The following VIRMA variants were observed in gnomAD, a reference collection of about 807,000 sequenced individuals.
VIRMA encodes the protein protein virilizer homolog.
A neutral mutation model predicts 182.4 loss-of-function variants in VIRMA; 65 were observed. The ratio of observed to expected loss-of-function variants is 0.36; its 90% CI spans 0.29 to 0.44. The LOEUF (loss-of-function observed/expected upper bound fraction) is 0.44, where lower values mean the gene tolerates loss of function less well. Among genes scored for constraint, VIRMA ranks in the 20% least tolerant of loss-of-function variants. VIRMA has a pLI of 1.00. For missense variants in VIRMA, 1,752 were observed against 2,158.1 expected (o/e 0.81, Z 3.73); for synonymous variants, 709 against 743.1 (o/e 0.95, Z 0.75).
chr8:94,553,385 C>G lies in VIRMA; in HGVS notation c.63G>C (p.Glu21Asp). The change falls in exon 1 of 24, where the codon GAG becomes GAC. Residue 21 changes from glutamate (E) to aspartate (D), a missense_variant and splice_region_variant. Glu to Asp is a conservative substitution (Grantham distance 45). Transcript: ENST00000297591. ...FLDTFKHPSAEQSSHIDVVRF... is the reference protein window; with the variant it reads ...FLDTFKHPSADQSSHIDVVRF... ...TCAGAATCAAGTCGCCAAGCCTTAC[C>G]TCAGCGCTCGGGTGTTTAAAAGTAT... is the stretch of plus-strand genomic sequence containing the variant. 1 of 1,614,160 alleles carries G rather than the reference C, an allele frequency of 6.2e-7. No individual in the cohort carries two copies. The highest frequency in any genetic ancestry group is 2.2e-5 in the East Asian group (1 of 44,878).
At position 94,543,838 on chromosome 8, in the gene VIRMA, A is replaced by G. The variant is rs767920731; in HGVS notation, c.168T>C (p.Asn56=). 6.3e-7 allele frequency: 1 copy of G among 1,582,416 alleles called. No homozygotes were observed. Among genetic ancestry groups the G allele is most frequent in the Non-Finnish European group, 8.7e-7 (1 of 1,155,142 alleles). The change falls in exon 2 of 24, where the codon AAT becomes AAC. Residue 56 remains asparagine (N), a synonymous_variant. Transcript: ENST00000297591. ...GAGAGTTGACTTACCCATATGCTCTATTGTCTGGCAGACTGCTATGGGCTC... is the reference window on the plus strand; with the variant it reads ...GAGAGTTGACTTACCCATATGCTCTGTTGTCTGGCAGACTGCTATGGGCTC... ...GVRAHSSLPD[N]RAYGETSPHT...
At chr8:94,530,495 TCAAAAAAAAAAAAAA>T (rs1464897225) in intron 6 of VIRMA, among the ~76,000 whole-genome samples, 2 of 88,900 alleles carry the variant, frequency 2.2e-5, no homozygotes, top group African/African-American at 1.0e-4. Context: ...AAAACCTGTC[TCAAAAAAAAAAAAAA>T]GAAAAAAGAA....
Position 94,546,287 on chromosome 8 carries a change from T to C in VIRMA, c.64-2345A>G, listed in dbSNP as rs968124651. 6.0e-5 allele frequency among the ~76,000 whole-genome samples: 9 copies of C among 150,948 alleles called. 1 individual carries two copies. Among genetic ancestry groups the C allele is most frequent in the African/African-American group, 2.2e-4 (9 of 40,300 alleles). ...CCAACTGCCCACTCAGCCTCTCCATTTCAATGTCCCTTGTGCACCAAACTC... is the reference window on the plus strand; with the variant it reads ...CCAACTGCCCACTCAGCCTCTCCATCTCAATGTCCCTTGTGCACCAAACTC... On this transcript the variant is annotated intron_variant, in intron 1 of 23. Coordinates refer to ENST00000297591, the MANE Select transcript of VIRMA (RefSeq NM_015496.5).
chr8:94,537,341 T>C, intron 3 of VIRMA, among the ~76,000 whole-genome samples, 190 bp from the exon 4 acceptor site: 1 of 152,218 alleles, frequency 6.6e-6, no homozygotes, highest in East Asian at 1.9e-4. Flanking sequence ...TCCCAGATTC[T>C]GGATTAATTG....
Position 94,511,555 on chromosome 8 carries a change from C to A in VIRMA, c.3020G>T (p.Arg1007Leu), listed in dbSNP as rs764819022. 2 of 1,614,038 alleles carry A rather than the reference C, an allele frequency of 1.2e-6. No individual in the cohort carries two copies. The highest frequency in any genetic ancestry group is 8.5e-7 in the Non-Finnish European group (1 of 1,179,990). The change falls in exon 13 of 24, where the codon CGC (arginine) becomes CTC (leucine). Residue 1007 changes from arginine (R) to leucine (L), a missense_variant. This residue lies in a region of VIRMA where 777 missense variants were observed against 920.6 expected (regional missense o/e 0.84). Coordinates refer to ENST00000297591, the MANE Select transcript of VIRMA (RefSeq NM_015496.5). The stretch of plus-strand genomic sequence containing the variant: ...AGTTTTAAGAAGAGTGAGTGTGCAG[C>A]GAGCCATTGAAATAGTAGTAACTCT... ...LHRVTTISMARCTLTLLKTML... is the reference protein window; with the variant it reads ...LHRVTTISMALCTLTLLKTML...
chr8:94,522,876 C>A (rs188841520), intron 8 of VIRMA, among the ~76,000 whole-genome samples: 35 of 152,264 alleles, frequency 2.3e-4, no homozygotes, highest in African/African-American at 8.4e-4. Flanking sequence ...ATCTGCTACT[C>A]CAAAATATTC....
At chr8:94,499,561 A>C in intron 16 of VIRMA, 55 bp from the exon 17 acceptor site, 1 of 1,215,502 alleles carries the variant, frequency 8.2e-7, no homozygotes, top group Non-Finnish European at 1.2e-6. Context: ...AGCATATAAA[A>C]CTGGTATGAT....
chr8:94,551,038 G>C lies in VIRMA; in HGVS notation c.63+2347C>G, dbSNP rs117072461. On this transcript the variant is annotated intron_variant, in intron 1 of 23. Transcript: ENST00000297591. Reference sequence around the variant, plus strand: ...CCTGGCCTAAAGTCTGTAATTCTTTGTCGAGCATTCAAGGAGCTCCATGAT... The same window carrying C: ...CCTGGCCTAAAGTCTGTAATTCTTTCTCGAGCATTCAAGGAGCTCCATGAT... Among the ~76,000 whole-genome samples, 55 of 152,268 alleles carry C rather than the reference G, an allele frequency of 3.6e-4. 1 individual carries two copies. In the East Asian group the frequency reaches 0.01, roughly 28 times the overall value.
intron 16 of VIRMA, among the ~76,000 whole-genome samples, chr8:94,502,850 T>C (rs191888849): frequency 1.4e-4 from 22 of 152,146 alleles, no homozygotes; most frequent in Admixed American, 9.2e-4. Context: ...AGTAAAATTT[T>C]ACAAATATAT....
intron 1 of VIRMA, among the ~76,000 whole-genome samples, chr8:94,548,913 T>TC (rs1194862026): frequency 4.6e-5 from 7 of 152,144 alleles, no homozygotes; most frequent in African/African-American, 1.4e-4. Flanking sequence ...TGCCTCAGCC[T>TC]CCCAAAGTGC....
chr8:94,540,461 CTTTTTTTTTT>C (rs963429701), intron 2 of VIRMA, among the ~76,000 whole-genome samples: 59 of 128,634 alleles, frequency 4.6e-4, no homozygotes, highest in African/African-American at 1.6e-3. Flanking sequence ...TTCTTCTTTT[CTTTTTTTTTT>C]TTTTTTTTTT....
intron 16 of VIRMA, among the ~76,000 whole-genome samples, chr8:94,505,746 T>C (rs954471063): frequency 1.3e-5 from 2 of 151,974 alleles, no homozygotes; most frequent in African/African-American, 4.8e-5. Context: ...CCCACCTCAG[T>C]CTCTTGAAGT....
chr8:94,540,481 T>TG (rs1815507192), intron 2 of VIRMA, among the ~76,000 whole-genome samples: 3 of 147,572 alleles, frequency 2.0e-5, no homozygotes, highest in Admixed American at 6.7e-5. Flanking sequence ...TTTTTTTTTT[T>TG]GAGACGGAGT....
intron 5 of VIRMA, chr8:94,534,129 C>T (rs1380238668): frequency 1.3e-5 from 2 of 152,056 alleles, no homozygotes; most frequent in Non-Finnish European, 2.9e-5. Context: ...CACTGAAGTT[C>T]TTATTTTTCT....
intron 15 of VIRMA, among the ~76,000 whole-genome samples, chr8:94,507,933 A>C (rs371636483): frequency 8.4e-6 from 1 of 118,964 alleles, no homozygotes; most frequent in East Asian, 3.1e-4. Context: ...ATGTATGTAC[A>C]TATGTGTATA....
chr8:94,548,566 T>C (rs983334892), intron 1 of VIRMA, among the ~76,000 whole-genome samples: 1 of 151,314 alleles, frequency 6.6e-6, no homozygotes, highest in Admixed American at 6.6e-5. Flanking sequence ...CAAATAACCT[T>C]GCTTAAATCT....
chr8:94,526,806 C>A lies in VIRMA; in HGVS notation c.1438G>T (p.Ala480Ser). Residue 480 changes from alanine to serine, a missense_variant, in exon 8 of 24, where the codon GCA (alanine) becomes TCA (serine). This residue lies in a region of VIRMA where 401 missense variants were observed against 455.1 expected (regional missense o/e 0.88). Transcript: ENST00000297591. ...TCAAATAATCCACTGATCACTCCTG[C>A]TTGTAGCAGTCCTGTAACTCCTTGA... ...GAQGVTGLLQ[A>S]GVISGLFELL... 6.2e-7 allele frequency: 1 copy of A among 1,614,140 alleles called. No individual in the cohort carries two copies. The highest frequency in any genetic ancestry group is 2.2e-5 in the East Asian group (1 of 44,884).
Position 94,538,280 on chromosome 8 carries a change from AG to A in VIRMA, c.245del (p.Pro82LeufsTer25). The A allele has an allele frequency of 6.2e-7, 1 of 1,612,786 alleles. No individual in the cohort carries two copies. Among genetic ancestry groups the A allele is most frequent in the Non-Finnish European group, 8.5e-7 (1 of 1,178,890 alleles). On this transcript the variant is annotated frameshift_variant, in exon 3 of 24. Coordinates refer to ENST00000297591, the MANE Select transcript of VIRMA (RefSeq NM_015496.5). LOFTEE classifies it high-confidence loss of function. ...CATACCTTCCCAACCTATCGAAAAC[AG>A]GGGCACTTGGTTTGCTTACATTGTT... ...FFNNVSKPSA[P>X]VFDRLGSLEY...
intron 8 of VIRMA, among the ~76,000 whole-genome samples, chr8:94,523,350 C>A (rs1814840243): frequency 6.6e-6 from 1 of 152,084 alleles, no homozygotes; most frequent in Non-Finnish European, 1.5e-5. Context: ...AAATAAAAAC[C>A]TTCCTTTTTG....
Sources: allele counts gnomAD v4.1 joint callset (sites outside exome capture counted in the v4.1 genomes callset), GRCh38; gene constraint gnomAD v4.1.1; regional missense constraint gnomAD v4.1.1; transcripts MANE v1.5; gene names NCBI Gene and HGNC (gene_info 2026-07-23, HGNC 2026-07-21).